The following AKNAD1 variants were observed in gnomAD, a reference collection of about 807,000 sequenced individuals.
AKNAD1 encodes AKNA domain containing 1.
In AKNAD1, 67 loss-of-function variants were observed where a neutral mutation model predicts 90.8. The observed-to-expected ratio is 0.74, with a 90% confidence interval of 0.61 to 0.90. The LOEUF (loss-of-function observed/expected upper bound fraction) is 0.90, where lower values mean the gene tolerates loss of function less well. AKNAD1 is among the 40% of genes least tolerant of loss of function. AKNAD1 has a pLI of 0.00. For missense variants in AKNAD1, 957 were observed against 975.4 expected (o/e 0.98, Z 0.25); for synonymous variants, 327 against 341.4 (o/e 0.96, Z 0.46).
intron 11 of AKNAD1, among the ~76,000 whole-genome samples, chr1:108,825,933 T>C (rs1414576225): frequency 6.6e-6 from 1 of 151,718 alleles, no homozygotes; most frequent in African/African-American, 2.4e-5. Flanking sequence ...ATATCTTGAA[T>C]ATCTGGCTTA....
chr1:108,849,122 T>C lies in AKNAD1; in HGVS notation c.1034-62A>G. 3 of 1,420,282 alleles carry C rather than the reference T, an allele frequency of 2.1e-6. No homozygotes were observed. The African/African-American group carries it at 4.3e-5, about 20-fold the overall frequency. 88.0% of individuals were successfully genotyped at this position (1,420,282 alleles called of 1,614,324 possible). A position where few individuals can be genotyped will look rare whatever the true frequency, so the allele number is the denominator to read the frequency against. The stretch of plus-strand genomic sequence containing the variant: ...CTCAACTTATCACAGTTTTATTAAG[T>C]ACTGAAAACAGAAAGCTGTTGCAGT... On this transcript the variant is annotated intron_variant, in intron 3 of 15. Coordinates refer to ENST00000370001, the MANE Select transcript of AKNAD1 (RefSeq NM_152763.5).
intron 5 of AKNAD1, among the ~76,000 whole-genome samples, chr1:108,846,916 T>A (rs1408523378): frequency 6.6e-6 from 1 of 151,940 alleles, no homozygotes; most frequent in Non-Finnish European, 1.5e-5. Context: ...CTACTTTTAT[T>A]CCTGACCTTG....
chr1:108,823,315 T>C, intron 13 of AKNAD1, 55 bp downstream of exon 13: 1 of 1,319,954 alleles, frequency 7.6e-7, no homozygotes, highest in Non-Finnish European at 1.1e-6. Context: ...GAATGTCCCA[T>C]ACCTGGGACA....
intron 7 of AKNAD1, among the ~76,000 whole-genome samples, chr1:108,836,418 C>T (rs1423162068): frequency 2.0e-5 from 3 of 151,206 alleles, no homozygotes; most frequent in African/African-American, 7.3e-5. Flanking sequence ...CAGAGACAAA[C>T]GAGACCCAGT....
chr1:108,823,248 G>A (rs918258859), intron 13 of AKNAD1, 122 bp downstream of exon 13: 1 of 805,584 alleles, frequency 1.2e-6, no homozygotes, highest in Admixed American at 1.9e-5. Flanking sequence ...ACAAGACCTG[G>A]GCAGCAAAAT....
At chr1:108,846,391 T>G (rs763187783) in intron 5 of AKNAD1, among the ~76,000 whole-genome samples, 30 of 152,178 alleles carry the variant, frequency 2.0e-4, no homozygotes, top group South Asian at 4.1e-4. Flanking sequence ...GCTCAGCCCT[T>G]TAAAATTCTG....
intron 13 of AKNAD1, among the ~76,000 whole-genome samples, chr1:108,822,710 A>G (rs966624462): frequency 1.8e-4 from 27 of 152,270 alleles, no homozygotes; most frequent in African/African-American, 6.3e-4. Flanking sequence ...AACCAGGTAT[A>G]GCTGTCGTTC....
chr1:108,848,331 A>C (rs891270673), intron 5 of AKNAD1, among the ~76,000 whole-genome samples: 3 of 152,202 alleles, frequency 2.0e-5, no homozygotes, highest in African/African-American at 7.2e-5. Context: ...AAAGATTTTG[A>C]CCTGAAAAAC....
intron 14 of AKNAD1, chr1:108,817,497 ATTTT>A (rs10681740): frequency 8.3e-5 from 5 of 60,346 alleles, no homozygotes; most frequent in African/African-American, 2.7e-4. Context: ...TTTTTTTTTA[ATTTT>A]TTTTTTTTTT....
At chr1:108,841,553 AC>A in intron 6 of AKNAD1, among the ~76,000 whole-genome samples, 1 of 152,294 alleles carries the variant, frequency 6.6e-6, no homozygotes, top group East Asian at 1.9e-4. Flanking sequence ...TTTGCACATT[AC>A]CTTGTAAAGG....
chr1:108,831,637 AC>A (rs539610266), intron 9 of AKNAD1, among the ~76,000 whole-genome samples: 48 of 146,056 alleles, frequency 3.3e-4, no homozygotes, highest in African/African-American at 1.2e-3. Flanking sequence ...TGTATTTCCT[AC>A]CTGTGACTTT....
Position 108,816,259 on chromosome 1 carries a change from A to G in AKNAD1, c.2423T>C (p.Ile808Thr), listed in dbSNP as rs1557821260. The change falls in exon 16 of 16, where the codon ATT (isoleucine) becomes ACT (threonine). Residue 808 changes from isoleucine to threonine, a missense_variant. Ile to Thr is a moderately conservative substitution (Grantham distance 89, BLOSUM62 -1). Transcript: ENST00000370001. ...CATTTGATCTGTAGTTTCTTTCAAAATGGTTGCTGTCCTTAGGGCATGATC... is the reference window on the plus strand; with the variant it reads ...CATTTGATCTGTAGTTTCTTTCAAAGTGGTTGCTGTCCTTAGGGCATGATC... ...ALDHALRTAT[I>T]LKETTDQMIK... 2 of 1,613,828 alleles carry G rather than the reference A, an allele frequency of 1.2e-6. No homozygotes were observed. The highest frequency in any genetic ancestry group is 8.5e-7 in the Non-Finnish European group (1 of 1,179,916).
Position 108,849,076 on chromosome 1 carries a change from C to T in AKNAD1, c.1034-16G>A, listed in dbSNP as rs548201996. On this transcript the variant is annotated splice_polypyrimidine_tract_variant and intron_variant, in intron 3 of 15. Transcript: ENST00000370001. ...GATTCTATTCCTATACAAGAAAGAA[C>T]ACATTTGGGCTACCATTCATCTCAA... 6.4e-7 allele frequency: 1 copy of T among 1,556,788 alleles called. No homozygotes were observed. The highest frequency in any genetic ancestry group is 8.6e-7 in the Non-Finnish European group (1 of 1,158,086).
intron 1 of AKNAD1, among the ~76,000 whole-genome samples, chr1:108,852,971 AAAAG>A (rs979396590): frequency 2.0e-5 from 3 of 152,148 alleles, no homozygotes; most frequent in African/African-American, 4.8e-5. Context: ...GGGAAAAAAA[AAAAG>A]AGAGTGTTAC....
Position 108,851,763 on chromosome 1 carries a change from T to C in AKNAD1, c.902A>G (p.Asp301Gly), listed in dbSNP as rs1213829597. Residue 301 changes from aspartate to glycine, a missense_variant, in exon 2 of 16, where the codon GAT (aspartate) becomes GGT (glycine). Transcript: ENST00000370001. ...KSRDKPTLVQDSLETTPESNC... is the reference protein window; with the variant it reads ...KSRDKPTLVQGSLETTPESNC... ...TGACTCAGGCGTGGTTTCTAGACTA[T>C]CTTGCACAAGAGTGGGTTTATCTCT... 1 of 1,613,990 alleles carries C rather than the reference T, an allele frequency of 6.2e-7. No homozygotes were observed. Among genetic ancestry groups the C allele is most frequent in the East Asian group, 2.2e-5 (1 of 44,902 alleles).
chr1:108,836,237 T>C (rs1664382212), intron 7 of AKNAD1, among the ~76,000 whole-genome samples: 1 of 152,216 alleles, frequency 6.6e-6, no homozygotes, highest in Non-Finnish European at 1.5e-5. Context: ...CAAAGACTTG[T>C]GACTCCTGCA....
At position 108,827,292 on chromosome 1, in the gene AKNAD1, C is replaced by T. The variant is rs779270486; in HGVS notation, c.1849G>A (p.Val617Met). The T allele has an allele frequency of 1.2e-6, 2 of 1,609,584 alleles. No homozygotes were observed. The highest frequency in any genetic ancestry group is 1.7e-6 in the Non-Finnish European group (2 of 1,177,692). Residue 617 changes from valine (V) to methionine (M), a missense_variant, in exon 11 of 16, where the codon GTG becomes ATG. Transcript: ENST00000370001. ...ATCCTTCCGTGGCCCTTTTTCTCCA[C>T]GTTTTGCTTCCTAAAAAAAGGTGCA... is the stretch of plus-strand genomic sequence containing the variant. Reference protein sequence around the residue: ...CRRLLEWKQNVEKKGHGRINC... With the variant: ...CRRLLEWKQNMEKKGHGRINC...
chr1:108,835,959 T>C (rs1050917331), intron 7 of AKNAD1, among the ~76,000 whole-genome samples: 6 of 152,234 alleles, frequency 3.9e-5, no homozygotes, highest in Non-Finnish European at 8.8e-5. Flanking sequence ...TACAGAAATG[T>C]AAGCATCTTG....
chr1:108,821,127 T>C (rs1250499868), intron 13 of AKNAD1, among the ~76,000 whole-genome samples: 1 of 151,096 alleles, frequency 6.6e-6, no homozygotes, highest in African/African-American at 2.4e-5. Flanking sequence ...TATGAAGTAT[T>C]CTGAACTTAG....
Sources: gnomAD v4.1 joint callset for allele counts (sites outside exome capture counted in the v4.1 genomes callset) on GRCh38, gnomAD v4.1.1 for gene constraint, MANE v1.5 for transcripts, NCBI Gene and HGNC (gene_info 2026-07-23, HGNC 2026-07-21) for gene names.